CUX1: variants seen among roughly 807,000 people sequenced by gnomAD.
The protein encoded by CUX1 is cut like homeobox 1.
In CUX1, 31 loss-of-function variants were observed where a neutral mutation model predicts 158.8. The observed-to-expected ratio is 0.20, with a 90% CI of 0.15 to 0.26. CUX1 has a LOEUF of 0.26. CUX1 is among the 10% of genes least tolerant of loss of function. The pLI is 1.00. For missense variants in CUX1, 1,589 were observed against 2,014.6 expected, an observed-to-expected ratio of 0.79 and a Z score of 4.04; for synonymous variants, 879 against 862.1, an observed-to-expected ratio of 1.02 and a Z score of -0.34.
At chr7:102,101,877 A>C (rs527572726) in intron 5 of CUX1, among the ~76,000 whole-genome samples, 4 of 151,098 alleles carry the variant, frequency 2.6e-5, no homozygotes, top group African/African-American at 9.7e-5. Context: ...GCGCCACTGC[A>C]CTCCAGCCTG....
At chr7:102,272,922 C>T (rs1791330578) in intron 14 of CUX1, among the ~76,000 whole-genome samples, 1 of 152,144 alleles carries the variant, frequency 6.6e-6, no homozygotes, top group South Asian at 2.1e-4. Flanking sequence ...GCCTCTCCTA[C>T]CCCCAGGCTT....
rs377198941 is a variant in CUX1, at chr7:102,248,381, C to A, written c.3888-31C>A. 1.0e-5 allele frequency: 16 copies of A among 1,555,256 alleles called. No individual in the cohort carries two copies. The highest frequency in any genetic ancestry group is 1.7e-4 in the Middle Eastern group (1 of 5,954). ...GAGGCCCTTTCCCCAGCAGCACCCC[C>A]CTCACGTCCCCGCCGCTTGTTGTCT... is the stretch of plus-strand genomic sequence containing the variant. On this transcript the variant is annotated intron_variant, in intron 23 of 23. Coordinates refer to ENST00000292535, the MANE Select transcript of CUX1 (RefSeq NM_181552.4). The surrounding 1 kb of genome is among the most constrained non-coding windows in gnomAD (Gnocchi z 5.8).
intron 2 of CUX1, among the ~76,000 whole-genome samples, chr7:101,984,128 A>ATATATG (rs1813935073): frequency 1.8e-4 from 5 of 28,298 alleles, no homozygotes; most frequent in Non-Finnish European, 2.9e-4. Flanking sequence ...ATATATATAT[A>ATATATG]TACACACACA....
chr7:101,817,506 C>T (rs1791990926), upstream of CUX1: 7 of 1,143,536 alleles, frequency 6.1e-6, no homozygotes, highest in Non-Finnish European at 1.1e-6. This position sits in a 1 kb window ranked among gnomAD's most constrained non-coding sequence, Gnocchi z 4.1. Flanking sequence ...GCGCCCGAGT[C>T]GCCGCCGTGC....
At chr7:102,208,545 A>G (rs1248191126) in intron 20 of CUX1, among the ~76,000 whole-genome samples, 2 of 152,196 alleles carry the variant, frequency 1.3e-5, no homozygotes, top group African/African-American at 4.8e-5. Context: ...CCCACCTAGT[A>G]TATGGAATTT....
At chr7:102,237,665 A>T (rs1363174299) in intron 22 of CUX1, among the ~76,000 whole-genome samples, 1 of 152,184 alleles carries the variant, frequency 6.6e-6, no homozygotes, top group Non-Finnish European at 1.5e-5. Flanking sequence ...CCAGCCCCAC[A>T]GGGTCTGTGG....
At position 102,203,835 on chromosome 7, in the gene CUX1, G is replaced by A. The variant is rs551119642; in HGVS notation, c.2908-556G>A. On this transcript the variant is annotated intron_variant, in intron 18 of 23. Transcript: ENST00000292535. ...CATCTGCGGCGGAATGTCACTCCCAGGCCGGCTCCCCAGGTCCCACCAGCT... is the reference window on the plus strand; with the variant it reads ...CATCTGCGGCGGAATGTCACTCCCAAGCCGGCTCCCCAGGTCCCACCAGCT... Among the ~76,000 whole-genome samples, 3 of 152,274 alleles carry A rather than the reference G, an allele frequency of 2.0e-5. 1 individual carries two copies. The South Asian group carries it at 6.2e-4, about 32-fold the overall frequency.
intron 1 of CUX1, among the ~76,000 whole-genome samples, chr7:101,904,117 AACACACACAC>A (rs10622369): frequency 6.2e-4 from 89 of 143,860 alleles, no homozygotes; most frequent in African/African-American, 1.9e-3. Flanking sequence ...GTCTTTACAA[AACACACACAC>A]ACACACACAC....
At chr7:102,194,357 G>A (rs544376959) in intron 13 of CUX1, among the ~76,000 whole-genome samples, 84 of 152,064 alleles carry the variant, frequency 5.5e-4, no homozygotes, top group Admixed American at 1.1e-3. Context: ...CCAGCACTTT[G>A]GGAGGCCAAG....
rs1369777112 is a variant in CUX1, at chr7:102,250,548, AC to A, written c.*1507del. 1.0e-6 allele frequency: 1 copy of A among 985,312 alleles called. No individual in the cohort carries two copies. Among genetic ancestry groups the A allele is most frequent in the Non-Finnish European group, 1.2e-6 (1 of 829,956 alleles). The allele number at this position is 985,312 out of a possible 1,614,324, so 61.0% of individuals were successfully genotyped here. A position where few individuals can be genotyped will look rare whatever the true frequency, so the allele number is the denominator to read the frequency against. On this transcript the variant is annotated 3_prime_UTR_variant, in exon 24 of 24. Transcript: ENST00000292535. ...ACTTCCTTTCTCTGCAGGAGAGAGAACGTGGCATTCTGGGCTCCCCACTCCC... is the reference window on the plus strand; with the variant it reads ...ACTTCCTTTCTCTGCAGGAGAGAGAAGTGGCATTCTGGGCTCCCCACTCCC...
chr7:102,016,264 C>A (rs1818573284), intron 2 of CUX1, among the ~76,000 whole-genome samples: 1 of 152,206 alleles, frequency 6.6e-6, no homozygotes, highest in African/African-American at 2.4e-5. Flanking sequence ...GCCTCTTAAA[C>A]TCCCTTCGCT....
chr7:101,849,179 T>C (rs1350360744), intron 1 of CUX1, among the ~76,000 whole-genome samples: 3 of 152,098 alleles, frequency 2.0e-5, no homozygotes, highest in Non-Finnish European at 4.4e-5. Flanking sequence ...TTCACGTCAT[T>C]GTTCATGGAT....
At position 102,194,444 on chromosome 7, in the gene CUX1, A is replaced by AC. The variant is rs150784861; in HGVS notation, c.1125+554_1125+555insC. The stretch of plus-strand genomic sequence containing the variant: ...GCAAGACCATGTTGCTATTAAAAAA[A>AC]AAAAAAATAGCCAAGTACTGTGACA... On this transcript the variant is annotated intron_variant, in intron 13 of 23. Transcript: ENST00000292535. Among the ~76,000 whole-genome samples the AC allele has an allele frequency of 5.7e-3, 865 of 151,786 alleles. 7 individuals are homozygous for AC. Among genetic ancestry groups the AC allele is most frequent in the Admixed American group, 0.021 (322 of 15,228 alleles).
chr7:102,059,355 C>T (rs957235505), intron 3 of CUX1, among the ~76,000 whole-genome samples: 28 of 152,070 alleles, frequency 1.8e-4, no homozygotes, highest in African/African-American at 6.8e-4. Flanking sequence ...TAAGTGGGAC[C>T]GGGTACAGTG....
chr7:102,263,299 G>A lies in CUX1; in HGVS notation c.1256-10067G>A, dbSNP rs892310138. The stretch of plus-strand genomic sequence containing the variant: ...CAAAGTACTGGGATTACAGGTACGA[G>A]CCACCACACCTAGCCTTTTTTTTTT... On this transcript the variant is annotated intron_variant, in intron 14 of 22. Transcript: ENST00000292538. Among the ~76,000 whole-genome samples, 12 of 142,084 alleles carry A rather than the reference G, an allele frequency of 8.4e-5. 1 individual carries two copies. The highest frequency in any genetic ancestry group is 2.3e-4 in the African/African-American group (9 of 38,452). The allele number at this position is 142,084 out of a possible 152,430, so 93.2% of individuals were successfully genotyped here. A position where few individuals can be genotyped will look rare whatever the true frequency, so the allele number is the denominator to read the frequency against.
chr7:101,991,038 C>T (rs1815046028), intron 2 of CUX1, among the ~76,000 whole-genome samples: 2 of 152,292 alleles, frequency 1.3e-5, no homozygotes, highest in South Asian at 2.1e-4. Flanking sequence ...AACCAGCGCC[C>T]ATAGATACAG....
intron 17 of CUX1, among the ~76,000 whole-genome samples, chr7:102,277,674 G>A (rs1431642078): frequency 5.9e-5 from 9 of 152,016 alleles, no homozygotes; most frequent in African/African-American, 2.2e-4. Flanking sequence ...CATATATTAA[G>A]GTTGATGCAA....
intron 6 of CUX1, among the ~76,000 whole-genome samples, chr7:102,106,411 G>T (rs10271376): frequency 0.22 from 33,977 of 151,950 alleles, 4,192 homozygotes; most frequent in Non-Finnish European, 0.29. Flanking sequence ...TCTAAGGTGG[G>T]CTCTGTAACA....
At chr7:101,961,392 G>A (rs750540613) in intron 2 of CUX1, 12 of 152,194 alleles carry the variant, frequency 7.9e-5, no homozygotes, top group Non-Finnish European at 1.8e-4. Flanking sequence ...ATTATTGTTA[G>A]GATGCTGACG....
Sources: allele counts gnomAD v4.1 joint callset (sites outside exome capture counted in the v4.1 genomes callset), GRCh38; gene constraint gnomAD v4.1.1; non-coding constraint Gnocchi (gnomAD v3.1); transcripts MANE v1.5; gene names NCBI Gene and HGNC (gene_info 2026-07-23, HGNC 2026-07-21).